Variants in GRIK4 observed in about 807,000 individuals in gnomAD.
GRIK4 encodes glutamate receptor ionotropic, kainate 4.
GRIK4 carries 40 observed loss-of-function variants against 104.9 expected under a neutral mutation model. The ratio of observed to expected loss-of-function variants is 0.38; its 90% CI spans 0.30 to 0.50. GRIK4 has a LOEUF of 0.50. Among genes scored for constraint, GRIK4 ranks in the 20% least tolerant of loss-of-function variants. The probability of loss-of-function intolerance (pLI) is 0.93; values close to 1 mark genes in which losing one functional copy is unlikely to be tolerated. For missense variants in GRIK4, 1,047 were observed against 1,308.1 expected (o/e 0.80, Z 3.08); for synonymous variants, 485 against 524.9 (o/e 0.92, Z 1.04).
intron 8 of GRIK4, among the ~76,000 whole-genome samples, chr11:120,861,483 G>C (rs539128873): frequency 2.0e-4 from 31 of 152,208 alleles, no homozygotes; most frequent in African/African-American, 7.0e-4. Context: ...CTTCATCAAA[G>C]TACAAGCACA....
chr11:120,773,481 G>C (rs1951984723), intron 3 of GRIK4, among the ~76,000 whole-genome samples: 1 of 152,240 alleles, frequency 6.6e-6, no homozygotes, highest in Non-Finnish European at 1.5e-5. Context: ...CAAACACGGA[G>C]AGAAAGCTGA....
At chr11:120,878,188 T>A (rs1482280196) in intron 11 of GRIK4, among the ~76,000 whole-genome samples, 1 of 152,162 alleles carries the variant, frequency 6.6e-6, no homozygotes, top group East Asian at 1.9e-4. Context: ...GCAGCACACA[T>A]AAGCGGGCAG....
rs148451342 is a variant in GRIK4 at position 120,791,210 on chromosome 11, G to A, written c.83-11483G>A. Among the ~76,000 whole-genome samples, 346 of 152,244 alleles carry A rather than the reference G, an allele frequency of 2.3e-3. 6 individuals carry two copies. In the South Asian group the frequency reaches 0.037, roughly 16 times the overall value. On this transcript the variant is annotated intron_variant, in intron 3 of 20. Transcript: ENST00000527524. ...CATTACATGGAAGAGGAAGGGGAGC[G>A]AGGGAAGAGGTTGGGGCATATGAGA...
chr11:120,570,128 C>T (rs1237223023), intron 1 of GRIK4, among the ~76,000 whole-genome samples: 3 of 151,474 alleles, frequency 2.0e-5, no homozygotes, highest in South Asian at 2.1e-4. Flanking sequence ...GAAGCTTAGG[C>T]GACAGGGATC....
chr11:120,908,328 T>C (rs1051495161), intron 13 of GRIK4, among the ~76,000 whole-genome samples: 3 of 152,234 alleles, frequency 2.0e-5, no homozygotes, highest in Non-Finnish European at 4.4e-5. Context: ...TTACTAGCTG[T>C]GTGTGCTTAA....
In GRIK4 at chr11:120,516,496, C is replaced by T. The variant is rs1301285947; in HGVS notation, c.-159+4609C>T. Among the ~76,000 whole-genome samples, 4 of 151,938 alleles carry T rather than the reference C, an allele frequency of 2.6e-5. No individual in the cohort carries two copies. The South Asian group carries it at 6.3e-4, about 24-fold the overall frequency. ...GGGAGCAGCGGATTGTCACGGTAGA[C>T]GGGGTGGGTAGAACTGCTGGAATCC... On this transcript the variant is annotated intron_variant, in intron 1 of 20. Transcript: ENST00000527524.
At chr11:120,947,733 A>G (rs1943896564) in intron 14 of GRIK4, among the ~76,000 whole-genome samples, 1 of 152,166 alleles carries the variant, frequency 6.6e-6, no homozygotes, top group Admixed American at 6.5e-5. Flanking sequence ...TGTTAACATT[A>G]TTTTAGTAAT....
chr11:120,532,420 A>G (rs1183825033), intron 1 of GRIK4, among the ~76,000 whole-genome samples: 1 of 152,212 alleles, frequency 6.6e-6, no homozygotes, highest in Non-Finnish European at 1.5e-5. Flanking sequence ...GCATTGAATC[A>G]AAGTCCTCTC....
intron 1 of GRIK4, among the ~76,000 whole-genome samples, chr11:120,512,467 C>T (rs1207166716): frequency 6.6e-6 from 1 of 151,896 alleles, no homozygotes; most frequent in Non-Finnish European, 1.5e-5. Flanking sequence ...TGGACTCGGG[C>T]CACCACCACA....
At chr11:120,636,915 T>C (rs771084956) in intron 1 of GRIK4, among the ~76,000 whole-genome samples, 3 of 152,114 alleles carry the variant, frequency 2.0e-5, no homozygotes, top group Non-Finnish European at 4.4e-5. Context: ...TCCCTGAGAA[T>C]GGGCTGGAGG....
At chr11:120,638,797 G>T (rs980852928) in intron 1 of GRIK4, among the ~76,000 whole-genome samples, 2 of 152,088 alleles carry the variant, frequency 1.3e-5, no homozygotes, top group Non-Finnish European at 2.9e-5. Context: ...TTCTAAAGCG[G>T]CACGGTGAGC....
chr11:120,595,961 C>T (rs745644768), intron 1 of GRIK4, among the ~76,000 whole-genome samples: 1 of 152,258 alleles, frequency 6.6e-6, no homozygotes, highest in Non-Finnish European at 1.5e-5. Flanking sequence ...ATTCTTGTGC[C>T]TCACCCTCCT....
rs114161047 is a variant in GRIK4, at chr11:120,590,481, C to T, written c.-158-63204C>T. On this transcript the variant is annotated intron_variant, in intron 1 of 20. Coordinates refer to ENST00000527524, the MANE Select transcript of GRIK4 (RefSeq NM_014619.5). ...TGAGTCCTATCGATGCCTCCCTGCA[C>T]CCTGACATCCAGGTGCACCCGGCTG... 4.5e-3 allele frequency among the ~76,000 whole-genome samples: 692 copies of T among 152,362 alleles called. 5 individuals are homozygous for T. The highest frequency in any genetic ancestry group is 0.016 in the African/African-American group (652 of 41,584).
At chr11:120,606,745 T>C (rs1375521467) in intron 1 of GRIK4, among the ~76,000 whole-genome samples, 3 of 151,062 alleles carry the variant, frequency 2.0e-5, no homozygotes, top group Non-Finnish European at 4.4e-5. Context: ...TGACTGGGAG[T>C]GATGGGGCCG....
At chr11:120,756,494 GGTT>G (rs1320922878) in intron 3 of GRIK4, among the ~76,000 whole-genome samples, 1 of 152,196 alleles carries the variant, frequency 6.6e-6, no homozygotes, top group Admixed American at 6.5e-5. Context: ...TCTTGTTTGT[GGTT>G]GTTCTTTATT....
intron 1 of GRIK4, among the ~76,000 whole-genome samples, chr11:120,620,762 A>G (rs1485137592): frequency 6.6e-6 from 1 of 152,152 alleles, no homozygotes; most frequent in Non-Finnish European, 1.5e-5. Context: ...TAGTACTGCT[A>G]CCACCCCCAC....
At chr11:120,858,236 A>C (rs1484764999) in intron 8 of GRIK4, 3 of 152,190 alleles carry the variant, frequency 2.0e-5, no homozygotes, top group African/African-American at 7.2e-5. Context: ...CCAGGTGTGC[A>C]TTCTTAGGTA....
intron 13 of GRIK4, among the ~76,000 whole-genome samples, chr11:120,916,738 G>A (rs985514125): frequency 2.0e-5 from 3 of 152,204 alleles, no homozygotes; most frequent in East Asian, 1.9e-4. Context: ...TTCAGGCTAC[G>A]TGTCTAAGGT....
chr11:120,801,698 A>T (rs1428440724), intron 3 of GRIK4, among the ~76,000 whole-genome samples: 1 of 152,202 alleles, frequency 6.6e-6, no homozygotes, highest in East Asian at 1.9e-4. Flanking sequence ...GCTGCTATAT[A>T]TATTTGTGTA....
Sources: allele counts gnomAD v4.1 joint callset (sites outside exome capture counted in the v4.1 genomes callset), GRCh38; gene constraint gnomAD v4.1.1; transcripts MANE v1.5; gene names NCBI Gene and HGNC (gene_info 2026-07-23, HGNC 2026-07-21).